NBAS: variants seen among roughly 807,000 people sequenced by gnomAD.
NBAS encodes the protein NAG/BC035112 fusion.
Under a neutral mutation model 302.5 loss-of-function variants are expected in NBAS, and 219 were observed. The ratio of observed to expected loss-of-function variants is 0.72; its 90% confidence interval spans 0.65 to 0.81. The LOEUF (loss-of-function observed/expected upper bound fraction) is 0.81. Ranked by LOEUF, NBAS falls within the 30% of genes least tolerant of loss-of-function variation. The pLI is 0.00. For missense variants in NBAS, 2,932 were observed against 2,841.6 expected (o/e 1.03, Z -0.72); for synonymous variants, 1,118 against 1,021.6 (o/e 1.09, Z -1.80).
At chr2:15,310,698 A>G (rs1671234477) in intron 38 of NBAS, among the ~76,000 whole-genome samples, 1 of 152,170 alleles carries the variant, frequency 6.6e-6, no homozygotes, top group Non-Finnish European at 1.5e-5. Context: ...TGCCTCGCCT[A>G]TTACTTCCCA....
At chr2:15,258,395 C>T (rs1668699311) in intron 44 of NBAS, among the ~76,000 whole-genome samples, 1 of 151,952 alleles carries the variant, frequency 6.6e-6, no homozygotes, top group African/African-American at 2.4e-5. Flanking sequence ...TGGGGTTGGG[C>T]AAAAAGAGCC....
At chr2:14,939,654 AAGTG>A in the NBAS span, among the ~76,000 whole-genome samples, 2 of 152,212 alleles carry the variant, frequency 1.3e-5, no homozygotes, top group Non-Finnish European at 2.9e-5. Context: ...GCAAAATTCC[AAGTG>A]AGACTAAACT....
At chr2:14,954,284 A>G in the NBAS span, among the ~76,000 whole-genome samples, 4 of 152,212 alleles carry the variant, frequency 2.6e-5, no homozygotes, top group African/African-American at 9.7e-5. Context: ...GTATGGGCGC[A>G]TGCATGAGTG....
chr2:14,912,702 TTAAAAAAAAAAAA>T, the NBAS span, among the ~76,000 whole-genome samples: 1 of 101,302 alleles, frequency 9.9e-6, no homozygotes, highest in African/African-American at 3.7e-5. Context: ...GCATTCATTT[TTAAAAAAAAAAAA>T]AAAAAAAAAA....
At chr2:15,252,647 TACAA>T (rs1572531060) in intron 44 of NBAS, among the ~76,000 whole-genome samples, 1 of 152,162 alleles carries the variant, frequency 6.6e-6, no homozygotes, top group Admixed American at 6.5e-5. Context: ...AATCAGGGTT[TACAA>T]ACAGTTTATT....
At chr2:15,406,605 A>G (rs564596849) in intron 25 of NBAS, among the ~76,000 whole-genome samples, 1 of 152,316 alleles carries the variant, frequency 6.6e-6, no homozygotes, top group East Asian at 1.9e-4. Flanking sequence ...ACAATAAACA[A>G]AGTCAAAAGA....
At chr2:15,520,684 CAG>C (rs2148661234) in intron 9 of NBAS, among the ~76,000 whole-genome samples, 1 of 151,114 alleles carries the variant, frequency 6.6e-6, no homozygotes, top group African/African-American at 2.4e-5. Context: ...TTTATAAACA[CAG>C]AAATTTGAAT....
the NBAS span, among the ~76,000 whole-genome samples, chr2:14,980,640 T>C: frequency 9.9e-5 from 15 of 151,998 alleles, no homozygotes; most frequent in African/African-American, 3.6e-4. Flanking sequence ...ATTGAATTCT[T>C]ACTGGTTAAC....
chr2:14,962,892 C>T, the NBAS span, among the ~76,000 whole-genome samples: 1 of 151,520 alleles, frequency 6.6e-6, no homozygotes, highest in Non-Finnish European at 1.5e-5. Context: ...TGTGTGGCAT[C>T]AGGGCTGGCA....
chr2:15,246,522 C>T (rs1456439266), intron 44 of NBAS, among the ~76,000 whole-genome samples: 2 of 152,204 alleles, frequency 1.3e-5, no homozygotes, highest in Non-Finnish European at 2.9e-5. Context: ...TACATGTTCT[C>T]AACATGTCCC....
At chr2:15,017,107 C>A in the NBAS span, among the ~76,000 whole-genome samples, 1 of 152,008 alleles carries the variant, frequency 6.6e-6, no homozygotes, top group East Asian at 1.9e-4. Context: ...AACCAAATAT[C>A]CCCTAGGTAG....
At chr2:14,818,959 T>A in the NBAS span, among the ~76,000 whole-genome samples, 1 of 152,194 alleles carries the variant, frequency 6.6e-6, no homozygotes, top group Non-Finnish European at 1.5e-5. Flanking sequence ...TTCTACTCAT[T>A]CTTCAAGACT....
chr2:15,053,993 T>C, the NBAS span, among the ~76,000 whole-genome samples: 2 of 151,634 alleles, frequency 1.3e-5, no homozygotes, highest in African/African-American at 4.8e-5. Context: ...TGAGGCATTA[T>C]GGTGGGGTGA....
At chr2:14,797,974 C>T in the NBAS span, among the ~76,000 whole-genome samples, 1 of 152,184 alleles carries the variant, frequency 6.6e-6, no homozygotes. Context: ...CCTAAACTAA[C>T]GTTACTTCTA....
the NBAS span, among the ~76,000 whole-genome samples, chr2:15,035,895 G>A: frequency 3.3e-5 from 5 of 152,156 alleles, no homozygotes; most frequent in African/African-American, 1.2e-4. Context: ...AATATCTAAT[G>A]CATGCCAGGC....
intron 31 of NBAS, among the ~76,000 whole-genome samples, chr2:15,369,913 G>A (rs1674402279): frequency 1.3e-5 from 2 of 152,300 alleles, no homozygotes; most frequent in East Asian, 3.9e-4. Context: ...AAAGATAGCT[G>A]TGCAATATCA....
chr2:15,551,281 G>C (rs2148709027), intron 6 of NBAS, among the ~76,000 whole-genome samples: 1 of 146,304 alleles, frequency 6.8e-6, no homozygotes, highest in South Asian at 2.2e-4. Context: ...GACTTTTTTA[G>C]AACCCAGTTT....
intron 12 of NBAS, chr2:15,483,203 T>G (rs1013533588): frequency 6.0e-6 from 1 of 165,740 alleles, no homozygotes; most frequent in Non-Finnish European, 1.4e-5. Context: ...TTTATTATGT[T>G]AAGCCTAAGA....
At chr2:15,112,750 A>C in the NBAS span, among the ~76,000 whole-genome samples, 1 of 4,478 alleles carries the variant, frequency 2.2e-4, no homozygotes, top group Non-Finnish European at 4.8e-4. Flanking sequence ...AAAGGAAAAA[A>C]AATATAAACC....
Sources: gnomAD v4.1 joint callset for allele counts (sites outside exome capture counted in the v4.1 genomes callset) on GRCh38, gnomAD v4.1.1 for gene constraint, MANE v1.5 for transcripts, NCBI Gene and HGNC (gene_info 2026-07-23, HGNC 2026-07-21) for gene names.